The following PTGFR variants were observed in gnomAD, a reference collection of about 807,000 sequenced individuals.
PTGFR encodes prostaglandin F2-alpha receptor.
Under a neutral mutation model 26.2 loss-of-function variants are expected in PTGFR, and 15 were observed. The observed-to-expected ratio is 0.57, with a 90% CI of 0.38 to 0.88. PTGFR has a LOEUF of 0.88. Among genes scored for constraint, PTGFR ranks in the 40% least tolerant of loss-of-function variants. The pLI, the probability that PTGFR is intolerant of heterozygous loss-of-function variation, is 0.00. For synonymous variants in PTGFR, 165 were observed against 151.1 expected, an observed-to-expected ratio of 1.09 and a Z score of -0.68; for missense variants, 369 against 427.2, an observed-to-expected ratio of 0.86 and a Z score of 1.20.
chr1:78,508,532 G>A (rs1216177955), intron 2 of PTGFR, among the ~76,000 whole-genome samples: 1 of 152,080 alleles, frequency 6.6e-6, no homozygotes, highest in African/African-American at 2.4e-5. Context: ...GAATGTCACT[G>A]TCCCCATAGC....
At chr1:78,508,080 C>T (rs762589108) in intron 2 of PTGFR, among the ~76,000 whole-genome samples, 1 of 152,090 alleles carries the variant, frequency 6.6e-6, no homozygotes, top group Non-Finnish European at 1.5e-5. Flanking sequence ...TTTGCTTATA[C>T]TCAGGATACT....
At chr1:78,506,769 C>G (rs1455733570) in intron 2 of PTGFR, among the ~76,000 whole-genome samples, 1 of 151,884 alleles carries the variant, frequency 6.6e-6, no homozygotes, top group Admixed American at 6.6e-5. Flanking sequence ...TTGGCTAATT[C>G]CAGCATTTCT....
chr1:78,535,092 C>T (rs1650614050), intron 2 of PTGFR, among the ~76,000 whole-genome samples: 1 of 152,072 alleles, frequency 6.6e-6, no homozygotes. Context: ...CACTGGGCTC[C>T]CTCAGAAGAG....
Position 78,510,262 on chromosome 1 carries a change from G to A in PTGFR, c.798+16721G>A, listed in dbSNP as rs191580728. On this transcript the variant is annotated intron_variant, in intron 2 of 2. Coordinates refer to ENST00000370757, the MANE Select transcript of PTGFR (RefSeq NM_000959.4). ...ACTAGAAAGGAATTATTGAGACTGC[G>A]TAGTTTATGAAGAAAAGAGGTTTAA... 8.9e-4 allele frequency among the ~76,000 whole-genome samples: 135 copies of A among 152,286 alleles called. 1 individual carries two copies. Among genetic ancestry groups the A allele is most frequent in the African/African-American group, 3.0e-3 (123 of 41,566 alleles).
chr1:78,535,587 A>G (rs12022033), intron 2 of PTGFR, among the ~76,000 whole-genome samples: 6 of 152,094 alleles, frequency 3.9e-5, no homozygotes, highest in Non-Finnish European at 5.9e-5. Flanking sequence ...TGTATATCCA[A>G]GATGTTTTCA....
intron 2 of PTGFR, among the ~76,000 whole-genome samples, chr1:78,524,677 T>C (rs765071492): frequency 6.6e-6 from 1 of 152,046 alleles, no homozygotes; most frequent in Non-Finnish European, 1.5e-5. Context: ...ACAGATCTTA[T>C]GCAGTCCCAG....
chr1:78,493,542 G>A lies in PTGFR; in HGVS notation c.798+1G>A. On this transcript the variant is annotated splice_donor_variant, in intron 2 of 2. Coordinates refer to ENST00000370757, the MANE Select transcript of PTGFR (RefSeq NM_000959.4). LOFTEE classifies it high-confidence loss of function. ...CTGTATTTGTTGGAGCCCATTTCTG[G>A]TAAGAGCCTGAAGTTTTGACTTCTG... is the stretch of plus-strand genomic sequence containing the variant. 6.6e-7 allele frequency: 1 copy of A among 1,522,982 alleles called. No individual in the cohort carries two copies. 94.3% of individuals were successfully genotyped at this position (1,522,982 alleles called of 1,614,324 possible).
chr1:78,515,418 C>T (rs967300331), intron 2 of PTGFR, among the ~76,000 whole-genome samples: 2 of 152,280 alleles, frequency 1.3e-5, no homozygotes, highest in African/African-American at 4.8e-5. Flanking sequence ...AAGTAACTAA[C>T]ATTTTCCTTC....
At chr1:78,508,433 G>T (rs1461871668) in intron 2 of PTGFR, among the ~76,000 whole-genome samples, 1 of 152,132 alleles carries the variant, frequency 6.6e-6, no homozygotes, top group Admixed American at 6.6e-5. Context: ...GTTACCTGAG[G>T]CACTGCCCTC....
Position 78,536,470 on chromosome 1 carries a change from T to C in PTGFR, c.863T>C (p.Phe288Ser), listed in dbSNP as rs572933419. The change falls in exon 3 of 3, where the codon TTT becomes TCT. Residue 288 changes from phenylalanine to serine, a missense_variant. By Grantham distance (155) the Phe-to-Ser change is radical (BLOSUM62 -2). Transcript: ENST00000370757. ...CTGGAAACCTGTGAAACAACACTTTTTGCTCTCCGAATGGCAACATGGAAT... is the reference window on the plus strand; with the variant it reads ...CTGGAAACCTGTGAAACAACACTTTCTGCTCTCCGAATGGCAACATGGAAT... ...HSLETCETTL[F>S]ALRMATWNQI... 2.5e-6 allele frequency: 4 copies of C among 1,613,192 alleles called. No individual in the cohort carries two copies. The South Asian group carries it at 3.3e-5, about 13-fold the overall frequency.
In PTGFR at chr1:78,493,468, C is replaced by A; in HGVS notation, c.725C>A (p.Ser242Tyr). 6.3e-7 allele frequency: 1 copy of A among 1,598,316 alleles called. No homozygotes were observed. The highest frequency in any genetic ancestry group is 8.5e-7 in the Non-Finnish European group (1 of 1,172,572). Residue 242 changes from serine to tyrosine, a missense_variant, in exon 2 of 3, where the codon TCT becomes TAT. Coordinates refer to ENST00000370757, the MANE Select transcript of PTGFR (RefSeq NM_000959.4). ...AGTCAGCAGCACAGACAAGGCAGAT[C>A]TCATCATTTGGAAATGGTAATCCAG... The part of the protein sequence containing the change: ...FKSQQHRQGR[S>Y]HHLEMVIQLL...
At chr1:78,508,876 A>G (rs2100367036) in intron 2 of PTGFR, among the ~76,000 whole-genome samples, 1 of 152,332 alleles carries the variant, frequency 6.6e-6, no homozygotes, top group Non-Finnish European at 1.5e-5. Context: ...GCTACAAGAT[A>G]CTGATATGAA....
intron 2 of PTGFR, among the ~76,000 whole-genome samples, chr1:78,529,544 A>C (rs1290368051): frequency 2.6e-5 from 4 of 152,348 alleles, no homozygotes; most frequent in Admixed American, 6.5e-5. Context: ...AAAGTAAGGC[A>C]TATATACAAA....
At chr1:78,523,154 T>C (rs1220496694) in intron 2 of PTGFR, among the ~76,000 whole-genome samples, 1 of 152,116 alleles carries the variant, frequency 6.6e-6, no homozygotes, top group Non-Finnish European at 1.5e-5. Flanking sequence ...TATTTTTTCA[T>C]TTTATAAACT....
chr1:78,528,755 T>C (rs536354), intron 2 of PTGFR, among the ~76,000 whole-genome samples: 6,530 of 152,160 alleles, frequency 0.043, 466 homozygotes, highest in African/African-American at 0.15. Flanking sequence ...AGTAAAGAGA[T>C]AGGTCCCAAA....
Position 78,536,860 on chromosome 1 carries a change from T to C in PTGFR, c.*173T>C, listed in dbSNP as rs144403075. On this transcript the variant is annotated 3_prime_UTR_variant, in exon 3 of 3. Transcript: ENST00000370757. Reference sequence around the variant, plus strand: ...AAATTTGTCAAATAAACAGGATAACTGTACATTTTTCACTTGTTTTTGCCA... The same window carrying C: ...AAATTTGTCAAATAAACAGGATAACCGTACATTTTTCACTTGTTTTTGCCA... 2.3e-3 allele frequency: 1,724 copies of C among 744,196 alleles called. 15 individuals carry two copies. Among genetic ancestry groups the C allele is most frequent in the African/African-American group, 0.023 (1,286 of 55,640 alleles). The allele number at this position is 744,196 out of a possible 1,614,324, so 46.1% of individuals were successfully genotyped here.
At chr1:78,495,924 T>A (rs1291650350) in intron 2 of PTGFR, among the ~76,000 whole-genome samples, 1 of 152,238 alleles carries the variant, frequency 6.6e-6, no homozygotes, top group Non-Finnish European at 1.5e-5. Flanking sequence ...TCTTTAACTA[T>A]GAATTATTGA....
intron 2 of PTGFR, among the ~76,000 whole-genome samples, chr1:78,502,350 T>C (rs1649729966): frequency 1.3e-5 from 2 of 152,322 alleles, no homozygotes; most frequent in South Asian, 4.1e-4. Flanking sequence ...TCAAGTCCTG[T>C]TTCTTTCACT....
chr1:78,536,904 A>G lies in PTGFR; in HGVS notation c.*217A>G, dbSNP rs12731181. The G allele has an allele frequency of 0.16, 82,943 of 533,852 alleles. 7,084 individuals carry two copies. Among genetic ancestry groups the G allele is most frequent in the Non-Finnish European group, 0.18 (57,000 of 311,882 alleles). 33.1% of individuals were successfully genotyped at this position (533,852 alleles called of 1,614,324 possible). ...TTTGCCAATGGGAGGTAGACACAAT[A>G]AAATAATGCCATGGGAGTCACACTG... is the stretch of plus-strand genomic sequence containing the variant. On this transcript the variant is annotated 3_prime_UTR_variant, in exon 3 of 3. Transcript: ENST00000370757.
Sources: allele counts gnomAD v4.1 joint callset (sites outside exome capture counted in the v4.1 genomes callset), GRCh38; gene constraint gnomAD v4.1.1; transcripts MANE v1.5; gene names NCBI Gene and HGNC (gene_info 2026-07-23, HGNC 2026-07-21).